Variants in ERBB4 observed in about 807,000 individuals in gnomAD.
The protein encoded by ERBB4 is erb-b2 receptor tyrosine kinase 4.
ERBB4 carries 42 observed loss-of-function variants against 158.0 expected under a neutral mutation model. The observed-to-expected ratio is 0.27, with a 90% CI of 0.21 to 0.34. The LOEUF is 0.34. Ranked by LOEUF, ERBB4 falls within the 10% of genes least tolerant of loss-of-function variation. The pLI, the probability that ERBB4 is intolerant of heterozygous loss-of-function variation, is 1.00. For missense variants in ERBB4, 1,333 were observed against 1,624.1 expected (o/e 0.82, Z 3.08); for synonymous variants, 583 against 558.7 (o/e 1.04, Z -0.61).
intron 12 of ERBB4, among the ~76,000 whole-genome samples, chr2:211,691,566 A>ATGTGTGTGTGTG (rs1491273640): frequency 8.8e-4 from 77 of 87,978 alleles, no homozygotes; most frequent in African/African-American, 3.3e-3. Flanking sequence ...GCATAGAAAC[A>ATGTGTGTGTGTG]TATGTGTGTG....
At chr2:211,911,199 C>T (rs1025409687) in intron 3 of ERBB4, among the ~76,000 whole-genome samples, 2 of 152,164 alleles carry the variant, frequency 1.3e-5, no homozygotes, top group Non-Finnish European at 2.9e-5. Context: ...AAGAGCCCGA[C>T]AGTCTTTTTT....
chr2:212,441,741 G>A (rs1028945827), intron 1 of ERBB4, among the ~76,000 whole-genome samples: 1 of 152,138 alleles, frequency 6.6e-6, no homozygotes, highest in African/African-American at 2.4e-5. Context: ...CTGAAATATG[G>A]ATTAAAAGGT....
intron 2 of ERBB4, among the ~76,000 whole-genome samples, chr2:212,086,659 C>A (rs1307619822): frequency 6.6e-6 from 1 of 151,908 alleles, no homozygotes; most frequent in South Asian, 2.1e-4. Flanking sequence ...GGTATATTAT[C>A]AGGGTCTTAA....
chr2:211,394,018 T>C (rs1037894269), intron 25 of ERBB4, among the ~76,000 whole-genome samples: 2 of 152,070 alleles, frequency 1.3e-5, no homozygotes, highest in Non-Finnish European at 2.9e-5. Flanking sequence ...AAGTAAGCTA[T>C]TGTATCCCCG....
At chr2:212,534,217 C>T (rs1216869261) in intron 1 of ERBB4, among the ~76,000 whole-genome samples, 2 of 152,270 alleles carry the variant, frequency 1.3e-5, no homozygotes, top group East Asian at 3.9e-4. Context: ...TTAAGCCATC[C>T]TAATTCAATT....
At chr2:211,459,780 C>G (rs766098885) in intron 20 of ERBB4, among the ~76,000 whole-genome samples, 1 of 152,000 alleles carries the variant, frequency 6.6e-6, no homozygotes, top group Non-Finnish European at 1.5e-5. Flanking sequence ...TTATCAGGAG[C>G]ATGAAAATGG....
Position 211,821,294 on chromosome 2 carries a change from C to G in ERBB4, c.422-33135G>C, listed in dbSNP as rs529665613. Among the ~76,000 whole-genome samples, 293 of 151,604 alleles carry G rather than the reference C, an allele frequency of 1.9e-3. 1 individual carries two copies. The Middle Eastern group carries it at 0.048, about 25-fold the overall frequency. On this transcript the variant is annotated intron_variant, in intron 3 of 27. Coordinates refer to ENST00000342788, the MANE Select transcript of ERBB4 (RefSeq NM_005235.3). ...CTACTAGAAAAATAAAATAAAATAC[C>G]TAGAAATAAATTTAACCAAGTAGGT...
rs77335245 is a variant in ERBB4, at chr2:211,719,278, C to T, written c.883+3115G>A. Among the ~76,000 whole-genome samples the T allele has an allele frequency of 7.4e-3, 1,128 of 152,262 alleles. 17 individuals carry two copies. The highest frequency in any genetic ancestry group is 0.026 in the African/African-American group (1,060 of 41,550). On this transcript the variant is annotated intron_variant, in intron 7 of 27. Transcript: ENST00000342788. ...ACCATCAGTCAATGAAGGAACAACT[C>T]GTTATCAATGTTAAAAACTTCTGTG... is the stretch of plus-strand genomic sequence containing the variant.
At chr2:212,326,316 G>A (rs2087829437) in intron 1 of ERBB4, among the ~76,000 whole-genome samples, 1 of 150,512 alleles carries the variant, frequency 6.6e-6, no homozygotes. Context: ...AAATAATTCT[G>A]AAATACAATA....
intron 3 of ERBB4, among the ~76,000 whole-genome samples, chr2:211,796,094 T>C (rs936026329): frequency 1.3e-5 from 2 of 151,906 alleles, no homozygotes; most frequent in Non-Finnish European, 2.9e-5. Flanking sequence ...AACACACTTA[T>C]GTAACCAGCA....
In ERBB4 at chr2:212,001,876, C is replaced by T. The variant is rs974108143; in HGVS notation, c.235-54260G>A. Among the ~76,000 whole-genome samples, 8 of 152,192 alleles carry T rather than the reference C, an allele frequency of 5.3e-5. 1 individual carries two copies. The highest frequency in any genetic ancestry group is 3.4e-3 in the Middle Eastern group (1 of 294). ...AGCCAGTCTCAGAAAGAAATTTGCA[C>T]GTATAATGTTTCAATAAAGAAGTAA... On this transcript the variant is annotated intron_variant, in intron 2 of 27. Coordinates refer to ENST00000342788, the MANE Select transcript of ERBB4 (RefSeq NM_005235.3).
Position 211,695,692 on chromosome 2 carries a change from T to G in ERBB4, c.1489+6275A>C, listed in dbSNP as rs554010669. Among the ~76,000 whole-genome samples the G allele has an allele frequency of 3.9e-5, 6 of 152,254 alleles. No homozygotes were observed. In the South Asian group the frequency reaches 1.0e-3, roughly 26 times the overall value. On this transcript the variant is annotated intron_variant, in intron 12 of 27. Coordinates refer to ENST00000342788, the MANE Select transcript of ERBB4 (RefSeq NM_005235.3). ...TATCTCCCAATGGTTGATGTTTTTC[T>G]CACAAATTTTTAATTCACCACTTTA...
chr2:212,500,484 C>T (rs930640320), intron 1 of ERBB4, among the ~76,000 whole-genome samples: 4 of 151,938 alleles, frequency 2.6e-5, no homozygotes, highest in African/African-American at 9.7e-5. Flanking sequence ...TACTATAGGG[C>T]TATTCTTAAA....
At chr2:211,535,319 C>CTCTTAT (rs1225383489) in intron 20 of ERBB4, among the ~76,000 whole-genome samples, 4 of 152,096 alleles carry the variant, frequency 2.6e-5, no homozygotes, top group Admixed American at 1.3e-4. Flanking sequence ...TCCTACCTGT[C>CTCTTAT]TCTTATTCTC....
rs574956396 is a variant in ERBB4, at chr2:211,420,408, A to G, written c.3135+33T>C. 9 of 1,434,400 alleles carry G rather than the reference A, an allele frequency of 6.3e-6. No homozygotes were observed. The African/African-American group carries it at 7.0e-5, about 11-fold the overall frequency. 88.9% of individuals were successfully genotyped at this position (1,434,400 alleles called of 1,614,324 possible). ...TATTACATGATTTTATATCTCAGAAAGAATATGATATGTGTATATAATTAT... is the reference window on the plus strand; with the variant it reads ...TATTACATGATTTTATATCTCAGAAGGAATATGATATGTGTATATAATTAT... On this transcript the variant is annotated intron_variant, in intron 25 of 27. Transcript: ENST00000342788.
At chr2:211,701,638 G>T (rs748275345) in intron 12 of ERBB4, among the ~76,000 whole-genome samples, 2 of 151,536 alleles carry the variant, frequency 1.3e-5, no homozygotes, top group African/African-American at 4.8e-5. Flanking sequence ...GGCGCCTGTA[G>T]TCCCAGCTAC....
chr2:211,953,585 G>C (rs1026361261), intron 2 of ERBB4, among the ~76,000 whole-genome samples: 1 of 151,132 alleles, frequency 6.6e-6, no homozygotes, highest in Non-Finnish European at 1.5e-5. Context: ...GTCAACCAAA[G>C]AGTGAATATG....
rs767546249 is a variant in ERBB4 at position 211,657,733 on chromosome 2, T to C, written c.1946+21A>G. 2.2e-5 allele frequency: 35 copies of C among 1,592,170 alleles called. No individual in the cohort carries two copies. In the South Asian group the frequency reaches 3.6e-4, roughly 17 times the overall value. ...CTAGGAAAGGATTTGAGCGACAAAATGGAAACATGGTAGATGTTACCTAGC... is the reference window on the plus strand; with the variant it reads ...CTAGGAAAGGATTTGAGCGACAAAACGGAAACATGGTAGATGTTACCTAGC... On this transcript the variant is annotated intron_variant, in intron 16 of 27. Transcript: ENST00000342788.
intron 1 of ERBB4, among the ~76,000 whole-genome samples, chr2:212,128,986 T>G (rs1345689357): frequency 6.6e-6 from 1 of 152,074 alleles, no homozygotes; most frequent in Admixed American, 6.5e-5. Context: ...TATAAAATCT[T>G]TATAAACTAA....
Sources: gnomAD v4.1 joint callset for allele counts (sites outside exome capture counted in the v4.1 genomes callset) on GRCh38, gnomAD v4.1.1 for gene constraint, MANE v1.5 for transcripts, NCBI Gene and HGNC (gene_info 2026-07-23, HGNC 2026-07-21) for gene names.